The following KIF26B variants were observed in gnomAD, a reference collection of about 807,000 sequenced individuals.
KIF26B encodes kinesin family member 26B.
A neutral mutation model predicts 151.2 loss-of-function variants in KIF26B; 63 were observed. The observed-to-expected ratio is 0.42, with a 90% CI of 0.34 to 0.51. The LOEUF (loss-of-function observed/expected upper bound fraction) is 0.51. Ranked by LOEUF, KIF26B falls within the 20% of genes least tolerant of loss-of-function variation. KIF26B has a pLI of 0.07. For synonymous variants in KIF26B, 1,357 were observed against 1,262.1 expected (o/e 1.08, Z -1.59); for missense variants, 2,813 against 2,913.6 (o/e 0.97, Z 0.79).
At position 245,171,241 on chromosome 1, in the gene KIF26B, G is replaced by T. The variant is rs541055950; in HGVS notation, c.465+14558G>T. On this transcript the variant is annotated intron_variant, in intron 2 of 14. Transcript: ENST00000407071. ...CTTCAGCACATCGTTTAAGAGCATCGTCTTTAATAATTCTTACATGGGGCC... is the reference window on the plus strand; with the variant it reads ...CTTCAGCACATCGTTTAAGAGCATCTTCTTTAATAATTCTTACATGGGGCC... 8.5e-5 allele frequency among the ~76,000 whole-genome samples: 13 copies of T among 152,296 alleles called. No individual in the cohort carries two copies. The East Asian group carries it at 2.1e-3, about 25-fold the overall frequency.
intron 4 of KIF26B, among the ~76,000 whole-genome samples, chr1:245,449,323 C>G (rs1272739997): frequency 2.0e-5 from 3 of 152,106 alleles, no homozygotes; most frequent in Non-Finnish European, 4.4e-5. Context: ...AATTTACAAG[C>G]CTGAGCCAAG....
intron 4 of KIF26B, among the ~76,000 whole-genome samples, chr1:245,446,845 T>C (rs1409381088): frequency 6.6e-6 from 1 of 152,042 alleles, no homozygotes; most frequent in African/African-American, 2.4e-5. Context: ...GAGAAGCAAA[T>C]CGTTACTGTG....
At chr1:245,192,938 T>A (rs190326283) in intron 2 of KIF26B, among the ~76,000 whole-genome samples, 1 of 152,192 alleles carries the variant, frequency 6.6e-6, no homozygotes, top group Non-Finnish European at 1.5e-5. Context: ...AGGTTTGTGA[T>A]ACAGGTAAGT....
At chr1:245,455,869 G>A (rs1249496032) in intron 4 of KIF26B, among the ~76,000 whole-genome samples, 1 of 152,152 alleles carries the variant, frequency 6.6e-6, no homozygotes, top group Non-Finnish European at 1.5e-5. Context: ...TCAGCACTGG[G>A]TATGATCTTC....
intron 2 of KIF26B, among the ~76,000 whole-genome samples, chr1:245,251,397 C>A (rs568784039): frequency 1.3e-5 from 2 of 152,146 alleles, no homozygotes; most frequent in Admixed American, 1.3e-4. Flanking sequence ...TTTCAAATAT[C>A]TTCTCCTAAT....
At chr1:245,630,681 A>G (rs972963324) in intron 9 of KIF26B, among the ~76,000 whole-genome samples, 1 of 152,182 alleles carries the variant, frequency 6.6e-6, no homozygotes, top group African/African-American at 2.4e-5. Context: ...GCAAGCCACC[A>G]TAGTACATGG....
At chr1:245,455,517 A>T (rs1372250006) in intron 4 of KIF26B, among the ~76,000 whole-genome samples, 1 of 152,168 alleles carries the variant, frequency 6.6e-6, no homozygotes, top group Non-Finnish European at 1.5e-5. Context: ...AACAAAACAA[A>T]CAAACAAAAA....
At position 245,545,354 on chromosome 1, in the gene KIF26B, G is replaced by A. The variant is rs558188598; in HGVS notation, c.1350+4404G>A. On this transcript the variant is annotated intron_variant, in intron 5 of 14. Coordinates refer to ENST00000407071, the MANE Select transcript of KIF26B (RefSeq NM_018012.4). ...TGACCTCCAGTGATCTGCCCACCTCGGCCTCCCAAAGTGCTAGGATTACAG... is the reference window on the plus strand; with the variant it reads ...TGACCTCCAGTGATCTGCCCACCTCAGCCTCCCAAAGTGCTAGGATTACAG... 1.2e-4 allele frequency among the ~76,000 whole-genome samples: 18 copies of A among 152,146 alleles called. No individual in the cohort carries two copies. In the South Asian group the frequency reaches 2.7e-3, roughly 23 times the overall value.
chr1:245,576,115 C>T (rs1198056323), intron 5 of KIF26B, among the ~76,000 whole-genome samples: 1 of 152,116 alleles, frequency 6.6e-6, no homozygotes, highest in Non-Finnish European at 1.5e-5. Flanking sequence ...CATTTTCTCC[C>T]AATCTGAAAA....
intron 2 of KIF26B, among the ~76,000 whole-genome samples, chr1:245,188,280 C>T (rs1234998026): frequency 1.5e-3 from 5 of 3,330 alleles, no homozygotes; most frequent in South Asian, 0.019. Context: ...AACTCCATCT[C>T]CAAAAAAAAA....
In KIF26B at chr1:245,687,673, G is replaced by T. The variant is rs759738973; in HGVS notation, c.4690G>T (p.Val1564Leu). ...SYYCAAETNGVGAASGTPPSK... is the reference protein window; with the variant it reads ...SYYCAAETNGLGAASGTPPSK... ...TTACTGCGCTGCTGAGACCAACGGG[G>T]TGGGTGCAGCCTCGGGCACCCCGCC... The change falls in exon 12 of 15, where the codon GTG (valine) becomes TTG (leucine). Residue 1564 changes from valine (V) to leucine (L), a missense_variant. Val to Leu is a conservative substitution (Grantham distance 32). Around this residue, in one of 3 missense-constraint regions of KIF26B, gnomAD observed 2,060 missense variants for 2,088.6 expected, o/e 0.99. Coordinates refer to ENST00000407071, the MANE Select transcript of KIF26B (RefSeq NM_018012.4). The surrounding 1 kb of genome is among the most constrained non-coding windows in gnomAD (Gnocchi z 4.9). 9.5e-6 allele frequency: 15 copies of T among 1,578,180 alleles called. No homozygotes were observed. In the East Asian group the frequency reaches 2.8e-4, roughly 29 times the overall value.
rs1349709257 is a variant in KIF26B at position 245,156,462 on chromosome 1, A to C, written c.244A>C (p.Thr82Pro). The C allele has an allele frequency of 6.6e-7, 1 of 1,524,424 alleles. No individual in the cohort carries two copies. The highest frequency in any genetic ancestry group is 1.2e-5 in the South Asian group (1 of 83,046). The allele number at this position is 1,524,424 out of a possible 1,614,324, so 94.4% of individuals were successfully genotyped here. The change falls in exon 2 of 15, where the codon ACC becomes CCC. Residue 82 changes from threonine (T) to proline (P), a missense_variant. By Grantham distance (38) the Thr-to-Pro change is conservative. Around this residue, in one of 3 missense-constraint regions of KIF26B, gnomAD observed 676 missense variants for 688.1 expected, o/e 0.98. Coordinates refer to ENST00000407071, the MANE Select transcript of KIF26B (RefSeq NM_018012.4). ...GGGCACCTCGTCCCCGAGCTCGTTC[A>C]CCGGCTCCCCGGGACCCGCCTCCCC... Reference protein sequence around the residue: ...GSGTSSPSSFTGSPGPASPGI... With the variant: ...GSGTSSPSSFPGSPGPASPGI...
intron 3 of KIF26B, among the ~76,000 whole-genome samples, chr1:245,384,853 G>A (rs941162802): frequency 1.3e-5 from 2 of 152,132 alleles, no homozygotes; most frequent in Non-Finnish European, 2.9e-5. Flanking sequence ...TGTAGGTTTA[G>A]GTAAGAATAT....
At chr1:245,311,379 G>A (rs1182736720) in intron 2 of KIF26B, among the ~76,000 whole-genome samples, 1 of 152,094 alleles carries the variant, frequency 6.6e-6, no homozygotes. Flanking sequence ...ATCGTCTCCT[G>A]TTACACAGCT....
chr1:245,641,073 A>G (rs1305671694), intron 9 of KIF26B, among the ~76,000 whole-genome samples: 1 of 151,938 alleles, frequency 6.6e-6, no homozygotes, highest in Admixed American at 6.6e-5. Context: ...TCTCTCCTTC[A>G]TTTCTGAGGA....
intron 7 of KIF26B, among the ~76,000 whole-genome samples, chr1:245,608,601 TG>T: frequency 6.6e-6 from 1 of 152,228 alleles, no homozygotes; most frequent in South Asian, 2.1e-4. Flanking sequence ...GGACTTAATC[TG>T]GGGGGTAACT....
chr1:245,265,591 T>G (rs1670730766), intron 2 of KIF26B, among the ~76,000 whole-genome samples: 1 of 151,518 alleles, frequency 6.6e-6, no homozygotes, highest in Non-Finnish European at 1.5e-5. Context: ...GAATGACTTT[T>G]TTTTTTTTTT....
intron 2 of KIF26B, among the ~76,000 whole-genome samples, chr1:245,313,908 CT>C (rs1671711821): frequency 6.6e-6 from 1 of 152,180 alleles, no homozygotes; most frequent in African/African-American, 2.4e-5. Flanking sequence ...CCAGTCTCTT[CT>C]TTCATGGCAC....
chr1:245,282,365 C>T (rs566753930), intron 2 of KIF26B, among the ~76,000 whole-genome samples: 222 of 152,296 alleles, frequency 1.5e-3, no homozygotes, highest in Non-Finnish European at 2.5e-3. Context: ...AAAGCATCTC[C>T]GGAAAAGTTT....
Sources: allele counts gnomAD v4.1 joint callset (sites outside exome capture counted in the v4.1 genomes callset), GRCh38; gene constraint gnomAD v4.1.1; regional missense constraint gnomAD v4.1.1; non-coding constraint Gnocchi (gnomAD v3.1); transcripts MANE v1.5; gene names NCBI Gene and HGNC (gene_info 2026-07-23, HGNC 2026-07-21).